Variants in NCOR2 observed in about 807,000 individuals in gnomAD.
The protein encoded by NCOR2 is CTG repeat protein 26.
Under a neutral mutation model 262.9 loss-of-function variants are expected in NCOR2, and 81 were observed. That is an observed-to-expected ratio of 0.31 (90% CI 0.26 to 0.37). The LOEUF is 0.37. Ranked by LOEUF, NCOR2 falls within the 10% of genes least tolerant of loss-of-function variation. The pLI is 1.00. For missense variants in NCOR2, 3,385 were observed against 3,621.4 expected (o/e 0.93, Z 1.68); for synonymous variants, 1,659 against 1,559.3 (o/e 1.06, Z -1.51).
chr12:124,529,863 G>A (rs1022517055), intron 1 of NCOR2: 6 of 152,240 alleles, frequency 3.9e-5, no homozygotes, highest in African/African-American at 1.4e-4. Context: ...TCCACTGCAG[G>A]TGGGCATGCA....
At chr12:124,384,479 AGGGT>A (rs1470455747) in intron 17 of NCOR2, among the ~76,000 whole-genome samples, 1 of 152,144 alleles carries the variant, frequency 6.6e-6, no homozygotes, top group African/African-American at 2.4e-5. Flanking sequence ...CTGAGGCCAG[AGGGT>A]GGATCTCAGC....
Position 124,495,099 on chromosome 12 carries a change from G to T in NCOR2, c.105+48C>A. The T allele has an allele frequency of 6.3e-7, 1 of 1,599,254 alleles. No individual in the cohort carries two copies. Among genetic ancestry groups the T allele is most frequent in the Non-Finnish European group, 8.5e-7 (1 of 1,171,690 alleles). On this transcript the variant is annotated intron_variant, in intron 1 of 46. Transcript: ENST00000405201. The surrounding 1 kb of genome is among the most constrained non-coding windows in gnomAD (Gnocchi z 4.4). ...GGGGTGAAGACTCAGTGGAATGGAA[G>T]AAGGGTCTCAAAGGTAGCCCCAGGC...
chr12:124,352,305 A>C (rs7316196), intron 27 of NCOR2, among the ~76,000 whole-genome samples: 1 of 152,120 alleles, frequency 6.6e-6, no homozygotes, highest in South Asian at 2.1e-4. Flanking sequence ...GTACTGCAGA[A>C]ATCAGTGGCT....
intron 3 of NCOR2, among the ~76,000 whole-genome samples, chr12:124,480,236 G>C (rs1408615969): frequency 6.6e-6 from 1 of 152,224 alleles, no homozygotes; most frequent in Non-Finnish European, 1.5e-5. Flanking sequence ...GATGGCCTTT[G>C]CCCTGAGGCT....
At chr12:124,360,995 T>C (rs962756321) in intron 22 of NCOR2, among the ~76,000 whole-genome samples, 7 of 152,038 alleles carry the variant, frequency 4.6e-5, no homozygotes, top group Non-Finnish European at 1.0e-4. Context: ...GCATGGTGCC[T>C]GGGGCCTTGG....
At chr12:124,460,494 G>A (rs1032175593) in intron 5 of NCOR2, among the ~76,000 whole-genome samples, 2 of 152,226 alleles carry the variant, frequency 1.3e-5, no homozygotes, top group South Asian at 2.1e-4. Context: ...GAGGGCAGTG[G>A]GCACTTTCTC....
rs185010155 is a variant in NCOR2 at position 124,417,053 on chromosome 12, C to T, written c.1482+2904G>A. On this transcript the variant is annotated intron_variant, in intron 13 of 46. Coordinates refer to ENST00000405201, the Ensembl canonical transcript of NCOR2. ...CGGACACTCACTCCTGAGAGCAAGC[C>T]GGACACTCACTCCACGGAGAGCAGG... 1.8e-3 allele frequency among the ~76,000 whole-genome samples: 268 copies of T among 150,874 alleles called. 2 individuals carry two copies. The East Asian group carries it at 0.025, about 14-fold the overall frequency.
At chr12:124,426,745 G>A (rs2043573717) in exon 11 of NCOR2, 5 of 1,607,076 alleles carry the variant, frequency 3.1e-6, no homozygotes, top group Non-Finnish European at 4.3e-6. Context: ...CTGCTGGTCA[G>A]CGTCGTACAG....
intron 38 of NCOR2, chr12:124,336,516 G>T: frequency 8.6e-7 from 1 of 1,165,824 alleles, no homozygotes; most frequent in Non-Finnish European, 1.1e-6. Context: ...CGGCGAGGAC[G>T]GATGGGCTTC....
intron 33 of NCOR2, among the ~76,000 whole-genome samples, chr12:124,342,610 C>T (rs184732958): frequency 3.7e-4 from 56 of 152,238 alleles, no homozygotes; most frequent in African/African-American, 1.2e-3. Flanking sequence ...CCTTGTGATC[C>T]GCCTGCCTCG....
chr12:124,334,418 G>A lies in NCOR2; in HGVS notation c.6605+6C>T, dbSNP rs537684542. On this transcript the variant is annotated splice_donor_region_variant and intron_variant, in intron 41 of 46. Coordinates refer to ENST00000405201, the Ensembl canonical transcript of NCOR2. ...CCAGCAAGAGGCACCCCCATCCCTC[G>A]CTCACCTCTTGCCCCCTTCGCTGTG... is the stretch of plus-strand genomic sequence containing the variant. 26 of 1,522,448 alleles carry A rather than the reference G, an allele frequency of 1.7e-5. No individual in the cohort carries two copies. Among genetic ancestry groups the A allele is most frequent in the South Asian group, 2.5e-5 (2 of 81,594 alleles). The allele number at this position is 1,522,448 out of a possible 1,614,324, so 94.3% of individuals were successfully genotyped here. A position where few individuals can be genotyped will look rare whatever the true frequency, so the allele number is the denominator to read the frequency against.
At position 124,454,988 on chromosome 12, in the gene NCOR2, C is replaced by A. The variant is rs536444983; in HGVS notation, c.762+2118G>T. Among the ~76,000 whole-genome samples, 2 of 151,634 alleles carry A rather than the reference C, an allele frequency of 1.3e-5. No homozygotes were observed. Among genetic ancestry groups the A allele is most frequent in the South Asian group, 4.2e-4 (2 of 4,796 alleles). On this transcript the variant is annotated intron_variant, in intron 6 of 46. Transcript: ENST00000405201. This position sits in a 1 kb window ranked among gnomAD's most constrained non-coding sequence, Gnocchi z 5.6. ...TCAGCCACAAAAAGGAACGAAGGAC[C>A]GACCCACGCTCGACACGGATGAACC... is the stretch of plus-strand genomic sequence containing the variant.
chr12:124,413,257 G>T (rs2042683921), intron 13 of NCOR2, among the ~76,000 whole-genome samples: 1 of 152,240 alleles, frequency 6.6e-6, no homozygotes, highest in Non-Finnish European at 1.5e-5. Context: ...CACCTCGGAA[G>T]TCCTACCCTG....
At chr12:124,428,044 A>AGTGTGTGTCTGTGTGTGTGTGT (rs2043664003) in intron 10 of NCOR2, among the ~76,000 whole-genome samples, 2 of 112,398 alleles carry the variant, frequency 1.8e-5, no homozygotes, top group Non-Finnish European at 3.9e-5. Context: ...CCATGTGGCC[A>AGTGTGTGTCTGTGTGTGTGTGT]GTGTGTGTGT....
upstream of NCOR2, among the ~76,000 whole-genome samples, chr12:124,495,714 C>T (rs970661469): frequency 2.6e-5 from 4 of 152,190 alleles, no homozygotes; most frequent in South Asian, 8.3e-4. This position sits in a 1 kb window ranked among gnomAD's most constrained non-coding sequence, Gnocchi z 4.4. Context: ...CCATGGCCCC[C>T]GGGTTTCTAA....
chr12:124,344,725 A>G, exon 32 of NCOR2: 1 of 1,542,060 alleles, frequency 6.5e-7, no homozygotes, highest in South Asian at 1.2e-5. Flanking sequence ...CTCAGGCACA[A>G]TGACCGGGGC....
At chr12:124,401,513 C>G (rs1436145308) in intron 14 of NCOR2, among the ~76,000 whole-genome samples, 1 of 152,236 alleles carries the variant, frequency 6.6e-6, no homozygotes, top group African/African-American at 2.4e-5. Context: ...TCCAGAGGGG[C>G]TCTATAAGAG....
At chr12:124,512,235 C>T (rs1325962607) in intron 1 of NCOR2, among the ~76,000 whole-genome samples, 4 of 152,182 alleles carry the variant, frequency 2.6e-5, no homozygotes, top group African/African-American at 7.2e-5. Flanking sequence ...TATTCTCTAA[C>T]AGTTCTGGAG....
chr12:124,479,027 C>A (rs2047255568), intron 3 of NCOR2, among the ~76,000 whole-genome samples: 1 of 152,096 alleles, frequency 6.6e-6, no homozygotes, highest in Non-Finnish European at 1.5e-5. Flanking sequence ...ACCCACAGAG[C>A]AACGGTAAGG....
Sources: allele counts gnomAD v4.1 joint callset (sites outside exome capture counted in the v4.1 genomes callset), GRCh38; gene constraint gnomAD v4.1.1; non-coding constraint Gnocchi (gnomAD v3.1); transcripts MANE v1.5; gene names NCBI Gene and HGNC (gene_info 2026-07-23, HGNC 2026-07-21).